The following CNTNAP2 variants were observed in gnomAD, a reference collection of about 807,000 sequenced individuals.
The protein encoded by CNTNAP2 is contactin associated protein 2.
In CNTNAP2, 98 loss-of-function variants were observed where a neutral mutation model predicts 155.2. That is an observed-to-expected ratio of 0.63 (90% confidence interval 0.54 to 0.75). The LOEUF (loss-of-function observed/expected upper bound fraction) is 0.75. CNTNAP2 is among the 30% of genes least tolerant of loss of function. The pLI is 0.00. For missense variants in CNTNAP2, 1,727 were observed against 1,688.1 expected (o/e 1.02, Z -0.40); for synonymous variants, 651 against 631.2 (o/e 1.03, Z -0.47).
intron 1 of CNTNAP2, among the ~76,000 whole-genome samples, chr7:146,381,896 C>A (rs944582674): frequency 1.3e-4 from 20 of 152,080 alleles, no homozygotes; most frequent in African/African-American, 4.8e-4. Flanking sequence ...AACCATTTGT[C>A]CCAGGGAAAA....
intron 1 of CNTNAP2, among the ~76,000 whole-genome samples, chr7:146,641,744 C>G (rs1443845048): frequency 6.6e-6 from 1 of 152,098 alleles, no homozygotes; most frequent in Non-Finnish European, 1.5e-5. Flanking sequence ...AATGTTTTTC[C>G]TGACATTTTT....
chr7:146,168,244 C>G (rs1029095941), intron 1 of CNTNAP2, among the ~76,000 whole-genome samples: 3 of 151,992 alleles, frequency 2.0e-5, no homozygotes, highest in Non-Finnish European at 4.4e-5. Flanking sequence ...TGTTGACACT[C>G]AATATTAACC....
chr7:146,560,160 A>G (rs1456838076), intron 1 of CNTNAP2, among the ~76,000 whole-genome samples: 1 of 152,082 alleles, frequency 6.6e-6, no homozygotes, highest in Non-Finnish European at 1.5e-5. Context: ...GGGTAATTAG[A>G]TTGCTATCTG....
chr7:148,347,009 C>T (rs1336802052), intron 21 of CNTNAP2, among the ~76,000 whole-genome samples: 1 of 151,952 alleles, frequency 6.6e-6, no homozygotes, highest in African/African-American at 2.4e-5. Flanking sequence ...GTAATCCCAG[C>T]ACTTTGGGAG....
chr7:146,782,264 G>T (rs1318041907), intron 2 of CNTNAP2: 1 of 152,138 alleles, frequency 6.6e-6, no homozygotes, highest in South Asian at 2.1e-4. Flanking sequence ...CTCTCAGGAC[G>T]ATTTGCCTTA....
At chr7:147,564,892 C>G (rs1800139074) in intron 12 of CNTNAP2, among the ~76,000 whole-genome samples, 1 of 152,142 alleles carries the variant, frequency 6.6e-6, no homozygotes, top group Non-Finnish European at 1.5e-5. Flanking sequence ...TGTTCAAGGA[C>G]CCTTGAAGAA....
At chr7:147,506,846 G>GT (rs889514021) in intron 11 of CNTNAP2, among the ~76,000 whole-genome samples, 1 of 152,084 alleles carries the variant, frequency 6.6e-6, no homozygotes, top group African/African-American at 2.4e-5. Context: ...TTACTCAGCT[G>GT]TTTCTTCCTT....
chr7:148,011,595 A>G (rs1055290036), intron 15 of CNTNAP2, among the ~76,000 whole-genome samples: 1 of 152,076 alleles, frequency 6.6e-6, no homozygotes, highest in Admixed American at 6.5e-5. Context: ...GCACCTTGCA[A>G]TGTGTGAGAC....
At chr7:147,737,492 G>C (rs573847897) in intron 13 of CNTNAP2, among the ~76,000 whole-genome samples, 1 of 152,132 alleles carries the variant, frequency 6.6e-6, no homozygotes, top group Non-Finnish European at 1.5e-5. Flanking sequence ...GAGGCAGTCT[G>C]TCCGTTCGCA....
intron 22 of CNTNAP2, among the ~76,000 whole-genome samples, chr7:148,396,932 A>G (rs10273268): frequency 0.13 from 19,664 of 152,276 alleles, 2,616 homozygotes; most frequent in African/African-American, 0.34. Context: ...TGTTTTGGAA[A>G]TTCCCCTTTA....
At chr7:147,750,204 T>C (rs1488502951) in intron 13 of CNTNAP2, among the ~76,000 whole-genome samples, 1 of 152,198 alleles carries the variant, frequency 6.6e-6, no homozygotes, top group Non-Finnish European at 1.5e-5. Context: ...AAGTTGGATT[T>C]TACATAGAAA....
chr7:148,066,649 C>G (rs2116521736), intron 15 of CNTNAP2, among the ~76,000 whole-genome samples: 1 of 152,142 alleles, frequency 6.6e-6, no homozygotes, highest in South Asian at 2.1e-4. Context: ...AGGCGCCCAC[C>G]ACCACACCCA....
At chr7:148,253,673 C>T (rs1006950285) in intron 20 of CNTNAP2, among the ~76,000 whole-genome samples, 3 of 152,144 alleles carry the variant, frequency 2.0e-5, no homozygotes, top group African/African-American at 4.8e-5. Context: ...TGCACCACCC[C>T]CAGCAGCCAA....
intron 13 of CNTNAP2, among the ~76,000 whole-genome samples, chr7:147,801,950 G>A (rs570197527): frequency 6.6e-5 from 10 of 150,824 alleles, no homozygotes; most frequent in Non-Finnish European, 8.9e-5. Context: ...GGCCGGGCGG[G>A]GGGCTGACAC....
chr7:148,023,430 A>T (rs1351074124), intron 15 of CNTNAP2, among the ~76,000 whole-genome samples: 1 of 152,230 alleles, frequency 6.6e-6, no homozygotes, highest in Non-Finnish European at 1.5e-5. Flanking sequence ...TTGTTTTGTT[A>T]TAATGAATCT....
intron 1 of CNTNAP2, among the ~76,000 whole-genome samples, chr7:146,696,481 G>T (rs1419196623): frequency 1.3e-5 from 2 of 151,964 alleles, no homozygotes; most frequent in Admixed American, 6.6e-5. Flanking sequence ...CTAGCTTTTG[G>T]TTTCATTGAT....
chr7:147,969,643 A>G (rs1486595841), intron 14 of CNTNAP2, among the ~76,000 whole-genome samples: 1 of 152,180 alleles, frequency 6.6e-6, no homozygotes, highest in African/African-American at 2.4e-5. Context: ...GACAGAGGGC[A>G]TGTAGCAGAG....
chr7:147,849,360 T>C (rs1341792041), intron 13 of CNTNAP2, among the ~76,000 whole-genome samples: 2 of 152,190 alleles, frequency 1.3e-5, no homozygotes, highest in Non-Finnish European at 2.9e-5. Context: ...AAATTAATCA[T>C]CTTTGAGATA....
intron 13 of CNTNAP2, among the ~76,000 whole-genome samples, chr7:147,780,040 C>T (rs951214566): frequency 3.4e-4 from 52 of 152,140 alleles, no homozygotes; most frequent in African/African-American, 1.2e-3. Flanking sequence ...TGTGTAATTC[C>T]TGTGAATGAT....
Sources: gnomAD v4.1 joint callset for allele counts (sites outside exome capture counted in the v4.1 genomes callset) on GRCh38, gnomAD v4.1.1 for gene constraint, MANE v1.5 for transcripts, NCBI Gene and HGNC (gene_info 2026-07-23, HGNC 2026-07-21) for gene names.